The following SLC25A21 variants were observed in gnomAD, a reference collection of about 807,000 sequenced individuals.
SLC25A21 encodes mitochondrial 2-oxodicarboxylate carrier.
SLC25A21 carries 47 observed loss-of-function variants against 43.8 expected under a neutral mutation model. The ratio of observed to expected loss-of-function variants is 1.07; its 90% CI spans 0.85 to 1.37. The LOEUF (loss-of-function observed/expected upper bound fraction) is 1.37. Ranked by LOEUF, SLC25A21 falls within the 40% of genes most tolerant of loss-of-function variation. The probability of loss-of-function intolerance (pLI) is 0.00; values close to 1 mark genes in which losing one functional copy is unlikely to be tolerated. For synonymous variants in SLC25A21, 131 were observed against 121.3 expected (o/e 1.08, Z -0.52); for missense variants, 352 against 350.2 (o/e 1.00, Z -0.04).
At chr14:36,728,309 A>G (rs890601436) in intron 5 of SLC25A21, among the ~76,000 whole-genome samples, 6 of 152,228 alleles carry the variant, frequency 3.9e-5, no homozygotes, top group African/African-American at 1.4e-4. Flanking sequence ...TCAAGAGTCC[A>G]AAGACCTACA....
In SLC25A21 at chr14:36,798,279, CTATGGGGACAGTT is replaced by C. The variant is rs563085047; in HGVS notation, c.203+15626_203+15638del. On this transcript the variant is annotated intron_variant, in intron 3 of 9. Coordinates refer to ENST00000331299, the MANE Select transcript of SLC25A21 (RefSeq NM_030631.4). The stretch of plus-strand genomic sequence containing the variant: ...AGGGACACTTTGAAGATTTTATTTC[CTATGGGGACAGTT>C]TATTTCTGTCTGGAAAGTCCCTTCA... Among the ~76,000 whole-genome samples the C allele has an allele frequency of 2.4e-4, 37 of 152,228 alleles. 1 individual carries two copies. The South Asian group carries it at 7.7e-3, about 32-fold the overall frequency.
At position 36,952,230 on chromosome 14, in the gene SLC25A21, C is replaced by CA. The variant is rs1179456955; in HGVS notation, c.71-77227dup. On this transcript the variant is annotated intron_variant, in intron 1 of 9. Transcript: ENST00000331299. ...TGGGCAATAGAGCAAGATTCCATCT[C>CA]AAAAAGAAAAGAAAGAAAGAAAAAA... The CA allele has an allele frequency of 7.9e-5, 12 of 151,910 alleles. No homozygotes were observed. In the Middle Eastern group the frequency reaches 5.0e-3, roughly 63 times the overall value. The allele number at this position is 151,910 out of a possible 1,614,324, so 9.4% of individuals were successfully genotyped here. A position where few individuals can be genotyped will look rare whatever the true frequency, so the allele number is the denominator to read the frequency against.
chr14:37,155,669 C>CA (rs771856458), intron 1 of SLC25A21, among the ~76,000 whole-genome samples: 6 of 152,084 alleles, frequency 3.9e-5, no homozygotes, highest in African/African-American at 1.4e-4. Flanking sequence ...AAACAAAACC[C>CA]AAAAAACTTT....
intron 3 of SLC25A21, among the ~76,000 whole-genome samples, chr14:36,801,383 T>C (rs757041299): frequency 2.0e-5 from 3 of 152,180 alleles, no homozygotes; most frequent in Non-Finnish European, 4.4e-5. Context: ...TCTCAGCCAT[T>C]TGGCATCCCT....
intron 6 of SLC25A21, among the ~76,000 whole-genome samples, chr14:36,718,331 T>C (rs1441222825): frequency 6.6e-6 from 1 of 152,218 alleles, no homozygotes; most frequent in Non-Finnish European, 1.5e-5. Context: ...ACAGGAATCA[T>C]AGACTGGAAA....
At chr14:36,707,701 G>T (rs562884146) in intron 7 of SLC25A21, among the ~76,000 whole-genome samples, 1 of 152,316 alleles carries the variant, frequency 6.6e-6, no homozygotes, top group African/African-American at 2.4e-5. Context: ...TGTTAGCACT[G>T]TCAAAGGAAG....
At chr14:36,901,931 CA>C (rs763086627) in intron 1 of SLC25A21, among the ~76,000 whole-genome samples, 31 of 152,064 alleles carry the variant, frequency 2.0e-4, no homozygotes, top group Non-Finnish European at 3.8e-4. Context: ...CTGTGTATGA[CA>C]AACATTCAAG....
chr14:36,981,552 G>A (rs1430050490), intron 1 of SLC25A21, among the ~76,000 whole-genome samples: 1 of 152,182 alleles, frequency 6.6e-6, no homozygotes, highest in African/African-American at 2.4e-5. Context: ...CATGGATGAA[G>A]CTGGAAACCA....
intron 3 of SLC25A21, among the ~76,000 whole-genome samples, chr14:36,742,944 T>C (rs1304162166): frequency 1.3e-5 from 2 of 152,208 alleles, no homozygotes; most frequent in Non-Finnish European, 2.9e-5. Flanking sequence ...GTATGTTTAG[T>C]ATGATTTTAC....
chr14:37,161,732 G>A (rs1013141846), intron 1 of SLC25A21, among the ~76,000 whole-genome samples: 12 of 151,752 alleles, frequency 7.9e-5, no homozygotes, highest in South Asian at 2.1e-4. Context: ...AGGCCGAGGC[G>A]GGCGAATCAC....
intron 6 of SLC25A21, among the ~76,000 whole-genome samples, chr14:36,724,448 G>A (rs114305149): frequency 1.2e-3 from 181 of 152,330 alleles, no homozygotes; most frequent in East Asian, 9.6e-3. Flanking sequence ...GCAGTAGGCA[G>A]GGAAACTTTC....
At chr14:37,006,876 T>G (rs1960616183) in intron 1 of SLC25A21, among the ~76,000 whole-genome samples, 1 of 152,196 alleles carries the variant, frequency 6.6e-6, no homozygotes, top group African/African-American at 2.4e-5. Flanking sequence ...TTGAAATTTC[T>G]TCCAGTAATA....
intron 2 of SLC25A21, among the ~76,000 whole-genome samples, chr14:36,829,874 A>C (rs1302549368): frequency 1.3e-5 from 2 of 151,830 alleles, no homozygotes; most frequent in Non-Finnish European, 2.9e-5. Flanking sequence ...TTCTGGTAAA[A>C]CTTTCCCTCT....
chr14:36,875,531 T>C (rs148642120), intron 1 of SLC25A21, among the ~76,000 whole-genome samples: 38 of 152,298 alleles, frequency 2.5e-4, no homozygotes, highest in African/African-American at 8.7e-4. Context: ...AATAGCTTAA[T>C]AGAGAATATT....
intron 1 of SLC25A21, among the ~76,000 whole-genome samples, chr14:36,977,856 A>G (rs1403576899): frequency 6.6e-6 from 1 of 151,946 alleles, no homozygotes. Context: ...TGCACGTGGA[A>G]CTTTAGGAAT....
intron 2 of SLC25A21, among the ~76,000 whole-genome samples, chr14:36,824,137 T>C (rs1168010372): frequency 1.3e-5 from 2 of 152,184 alleles, no homozygotes; most frequent in African/African-American, 4.8e-5. Context: ...TGATCAAGTG[T>C]ACCTACTGTA....
intron 7 of SLC25A21, among the ~76,000 whole-genome samples, chr14:36,706,525 G>A (rs78309634): frequency 0.015 from 2,261 of 152,138 alleles, 90 homozygotes; most frequent in East Asian, 0.12. Flanking sequence ...CGGACTTAAC[G>A]TCGGCACTTT....
intron 2 of SLC25A21, among the ~76,000 whole-genome samples, chr14:36,842,671 G>A (rs1161958487): frequency 1.3e-5 from 2 of 152,304 alleles, no homozygotes; most frequent in Non-Finnish European, 2.9e-5. Context: ...GTGCCATAAA[G>A]ACAGGAGAAG....
chr14:37,052,306 T>C (rs568272140), intron 1 of SLC25A21, among the ~76,000 whole-genome samples: 1 of 152,292 alleles, frequency 6.6e-6, no homozygotes, highest in South Asian at 2.1e-4. Context: ...GTATAAACTT[T>C]AGGCCTGTAG....
Sources: gnomAD v4.1 joint callset for allele counts (sites outside exome capture counted in the v4.1 genomes callset) on GRCh38, gnomAD v4.1.1 for gene constraint, MANE v1.5 for transcripts, NCBI Gene and HGNC (gene_info 2026-07-23, HGNC 2026-07-21) for gene names.